Variants in IGF2BP3 observed in about 807,000 individuals in gnomAD.
The protein encoded by IGF2BP3 is insulin-like growth factor 2 mRNA-binding protein 3.
IGF2BP3 carries 9 observed loss-of-function variants against 73.8 expected under a neutral mutation model. That is an observed-to-expected ratio of 0.12 (90% CI 0.07 to 0.21). The LOEUF (loss-of-function observed/expected upper bound fraction) is 0.21. Among genes scored for constraint, IGF2BP3 ranks in the 10% least tolerant of loss-of-function variants. IGF2BP3 has a pLI of 1.00. For synonymous variants in IGF2BP3, 258 were observed against 256.7 expected (o/e 1.01, Z -0.05); for missense variants, 542 against 714.0 (o/e 0.76, Z 2.75).
chr7:23,356,423 G>C (rs907512470), intron 5 of IGF2BP3, among the ~76,000 whole-genome samples: 1 of 152,084 alleles, frequency 6.6e-6, no homozygotes, highest in African/African-American at 2.4e-5. Context: ...TGGGTGTAGT[G>C]GCACATGCCT....
chr7:23,432,638 A>AT (rs201185940), intron 2 of IGF2BP3, among the ~76,000 whole-genome samples: 1,690 of 144,462 alleles, frequency 0.012, 13 homozygotes, highest in South Asian at 0.029. Flanking sequence ...TCATTTTTTA[A>AT]TTTTTTTTTT....
chr7:23,344,012 G>A (rs559870264), intron 8 of IGF2BP3, among the ~76,000 whole-genome samples, 159 bp from the exon 9 acceptor site: 19 of 152,158 alleles, frequency 1.2e-4, no homozygotes, highest in East Asian at 3.8e-4. Flanking sequence ...CCCAAAAGAC[G>A]TAAATCCGAA....
At chr7:23,316,870 C>A (rs1209783923) in intron 12 of IGF2BP3, among the ~76,000 whole-genome samples, 1 of 152,038 alleles carries the variant, frequency 6.6e-6, no homozygotes, top group East Asian at 1.9e-4. Flanking sequence ...TTGAATACCC[C>A]CAGCACGCTA....
intron 2 of IGF2BP3, among the ~76,000 whole-genome samples, chr7:23,422,546 C>A (rs1466056392): frequency 6.6e-6 from 1 of 152,156 alleles, no homozygotes; most frequent in Admixed American, 6.6e-5. Context: ...GGGATTGCGA[C>A]CCTGTCTCAC....
At chr7:23,431,192 A>G (rs1055004420) in intron 2 of IGF2BP3, 11 of 152,226 alleles carry the variant, frequency 7.2e-5, no homozygotes, top group Non-Finnish European at 1.5e-4. Context: ...GGCTGGTAGA[A>G]TCATCTGCAG....
intron 10 of IGF2BP3, among the ~76,000 whole-genome samples, chr7:23,337,922 G>A (rs1784613560): frequency 6.6e-6 from 1 of 152,230 alleles, no homozygotes; most frequent in Non-Finnish European, 1.5e-5. Context: ...ACACAAGGCA[G>A]ATAGAAGCAC....
intron 2 of IGF2BP3, among the ~76,000 whole-genome samples, chr7:23,461,398 G>A (rs576089934): frequency 1.3e-5 from 2 of 152,132 alleles, no homozygotes; most frequent in African/African-American, 2.4e-5. Flanking sequence ...TGATATATCT[G>A]CCTACTAACC....
intron 2 of IGF2BP3, among the ~76,000 whole-genome samples, chr7:23,467,131 C>T (rs899549359): frequency 5.3e-5 from 8 of 152,152 alleles, no homozygotes; most frequent in Non-Finnish European, 1.0e-4. Flanking sequence ...AGAACTAAAT[C>T]TATCAGGTCA....
At chr7:23,389,419 C>A (rs1436857591) in intron 3 of IGF2BP3, among the ~76,000 whole-genome samples, 1 of 152,088 alleles carries the variant, frequency 6.6e-6, no homozygotes, top group Non-Finnish European at 1.5e-5. Context: ...CTCAGCCTCC[C>A]AAAGTGCTGG....
chr7:23,405,989 C>T (rs572332972), intron 3 of IGF2BP3, among the ~76,000 whole-genome samples: 3 of 151,712 alleles, frequency 2.0e-5, no homozygotes, highest in East Asian at 1.9e-4. Flanking sequence ...AACACAGACT[C>T]TACAACCGGT....
chr7:23,364,701 C>A (rs1228906885), intron 3 of IGF2BP3, among the ~76,000 whole-genome samples: 1 of 151,944 alleles, frequency 6.6e-6, no homozygotes, highest in South Asian at 2.1e-4. Context: ...CAAATTCATT[C>A]CACCTTCAGT....
intron 2 of IGF2BP3, among the ~76,000 whole-genome samples, chr7:23,438,061 T>A (rs1055114132): frequency 3.9e-5 from 6 of 152,218 alleles, no homozygotes; most frequent in African/African-American, 1.4e-4. Context: ...TTGTTCAATA[T>A]AATAACAACA....
chr7:23,312,243 A>G lies in IGF2BP3; in HGVS notation c.*119T>C. 1 of 748,454 alleles carries G rather than the reference A, an allele frequency of 1.3e-6. No homozygotes were observed. Among genetic ancestry groups the G allele is most frequent in the Non-Finnish European group, 2.3e-6 (1 of 427,240 alleles). The allele number at this position is 748,454 out of a possible 1,614,324, so 46.4% of individuals were successfully genotyped here. A position where few individuals can be genotyped will look rare whatever the true frequency, so the allele number is the denominator to read the frequency against. ...AAAAGTTGCCTGGTCCTCAGAAACA[A>G]CTGGCTAGGTAAAAACTTGTGCATG... On this transcript the variant is annotated 3_prime_UTR_variant, in exon 15 of 15. Coordinates refer to ENST00000258729, the MANE Select transcript of IGF2BP3 (RefSeq NM_006547.3).
chr7:23,323,989 C>T (rs886532306), intron 10 of IGF2BP3, among the ~76,000 whole-genome samples: 2 of 151,660 alleles, frequency 1.3e-5, no homozygotes, highest in Non-Finnish European at 1.5e-5. Context: ...AAATTGACAC[C>T]CTAACATCAC....
At chr7:23,378,498 T>A (rs1239128190) in intron 3 of IGF2BP3, among the ~76,000 whole-genome samples, 3 of 147,888 alleles carry the variant, frequency 2.0e-5, no homozygotes, top group Non-Finnish European at 4.4e-5. Context: ...GTTCAAGCAA[T>A]TCTCCTGTTT....
intron 10 of IGF2BP3, among the ~76,000 whole-genome samples, chr7:23,325,281 GACAA>G (rs1583885851): frequency 2.0e-5 from 3 of 152,158 alleles, no homozygotes; most frequent in South Asian, 4.2e-4. Flanking sequence ...ATCAATAACA[GACAA>G]ACAGAGAGCC....
At chr7:23,394,579 C>G (rs1380859720) in intron 3 of IGF2BP3, 4 of 152,122 alleles carry the variant, frequency 2.6e-5, no homozygotes, top group Non-Finnish European at 5.9e-5. Context: ...GTTAAATATT[C>G]TAACAATATA....
intron 2 of IGF2BP3, among the ~76,000 whole-genome samples, chr7:23,440,470 A>C (rs1395809249): frequency 2.0e-5 from 3 of 152,286 alleles, no homozygotes; most frequent in African/African-American, 7.2e-5. Context: ...AATCATCATA[A>C]ACTAAATCTG....
intron 2 of IGF2BP3, among the ~76,000 whole-genome samples, chr7:23,454,066 G>A (rs1456666246): frequency 6.6e-6 from 1 of 152,176 alleles, no homozygotes; most frequent in African/African-American, 2.4e-5. Context: ...GAGCTCAAGC[G>A]ATTCATCCAA....
Sources: gnomAD v4.1 joint callset for allele counts (sites outside exome capture counted in the v4.1 genomes callset) on GRCh38, gnomAD v4.1.1 for gene constraint, MANE v1.5 for transcripts, NCBI Gene and HGNC (gene_info 2026-07-23, HGNC 2026-07-21) for gene names.